Variants in MYH11 observed in about 807,000 individuals in gnomAD.
The protein encoded by MYH11 is myosin-11.
Under a neutral mutation model 246.6 loss-of-function variants are expected in MYH11, and 80 were observed. The ratio of observed to expected loss-of-function variants is 0.32; its 90% CI spans 0.27 to 0.39. The LOEUF (loss-of-function observed/expected upper bound fraction) is 0.39, where lower values mean the gene tolerates loss of function less well. Ranked by LOEUF, MYH11 falls within the 10% of genes least tolerant of loss-of-function variation. The pLI is 1.00. For synonymous variants in MYH11, 1,071 were observed against 1,015.5 expected, an observed-to-expected ratio of 1.05 and a Z score of -1.04; for missense variants, 2,158 against 2,546.8, an observed-to-expected ratio of 0.85 and a Z score of 3.29.
intron 4 of MYH11, among the ~76,000 whole-genome samples, chr16:15,793,122 C>G (rs1450948196): frequency 6.6e-6 from 1 of 152,198 alleles, no homozygotes; most frequent in Non-Finnish European, 1.5e-5. Flanking sequence ...TGAAACCACC[C>G]TCCTCCTCTT....
chr16:15,717,586 G>C, intron 37 of MYH11: 1 of 591,588 alleles, frequency 1.7e-6, no homozygotes, highest in Non-Finnish European at 3.0e-6. Context: ...CTTGAGCTCA[G>C]GAGTTCGAGA....
chr16:15,744,242 T>G (rs965067347), intron 20 of MYH11, among the ~76,000 whole-genome samples: 2 of 151,976 alleles, frequency 1.3e-5, no homozygotes, highest in African/African-American at 4.8e-5. Flanking sequence ...CAGGCTGGAG[T>G]GCAGTACAGT....
chr16:15,716,936 T>G (rs112740726), intron 38 of MYH11, among the ~76,000 whole-genome samples: 25 of 152,226 alleles, frequency 1.6e-4, no homozygotes, highest in Non-Finnish European at 7.3e-5. Flanking sequence ...GCTCACACTT[T>G]AGGTGCTTGC....
At chr16:15,846,345 G>T (rs1161110088) in intron 1 of MYH11, among the ~76,000 whole-genome samples, 1 of 152,102 alleles carries the variant, frequency 6.6e-6, no homozygotes, top group Non-Finnish European at 1.5e-5. Context: ...GCAAAAGAAG[G>T]TGGTCACAAA....
intron 40 of MYH11, among the ~76,000 whole-genome samples, chr16:15,707,344 A>G (rs1287562113): frequency 3.9e-5 from 6 of 152,188 alleles, no homozygotes; most frequent in East Asian, 3.9e-4. Flanking sequence ...TTTGGATTCT[A>G]TTCGTGGACT....
chr16:15,743,613 T>C (rs2041336836), intron 20 of MYH11, among the ~76,000 whole-genome samples: 1 of 152,242 alleles, frequency 6.6e-6, no homozygotes. Flanking sequence ...GCCCCTGCTA[T>C]GTACTCCAGC....
In MYH11 at chr16:15,827,563, C is replaced by T. The variant is rs575835783; in HGVS notation, c.346-4152G>A. On this transcript the variant is annotated intron_variant, in intron 2 of 40. Transcript: ENST00000300036. Reference sequence around the variant, plus strand: ...GCTGCCTGCCTGGACACCCCTCTTCCCCATTCCATCACCCAGGACCCTCCC... The same window carrying T: ...GCTGCCTGCCTGGACACCCCTCTTCTCCATTCCATCACCCAGGACCCTCCC... Among the ~76,000 whole-genome samples, 19 of 152,272 alleles carry T rather than the reference C, an allele frequency of 1.2e-4. No homozygotes were observed. In the East Asian group the frequency reaches 3.7e-3, roughly 29 times the overall value.
intron 2 of MYH11, among the ~76,000 whole-genome samples, chr16:15,824,885 G>A (rs75407934): frequency 1.3e-5 from 2 of 152,106 alleles, no homozygotes; most frequent in African/African-American, 4.8e-5. Flanking sequence ...TTTCCCCACC[G>A]CCTGTTTGAC....
intron 10 of MYH11, 55 bp downstream of exon 10, chr16:15,763,741 T>TCGGG: frequency 6.2e-6 from 4 of 646,854 alleles, no homozygotes; most frequent in Non-Finnish European, 1.2e-5. Context: ...AAATGTCACC[T>TCGGG]CCCCCACCCC....
chr16:15,804,706 C>A (rs1327991785), intron 3 of MYH11, among the ~76,000 whole-genome samples: 2 of 152,160 alleles, frequency 1.3e-5, no homozygotes, highest in African/African-American at 4.8e-5. Flanking sequence ...AATTTGCTTT[C>A]TGTCTCTATG....
rs2039287016 is a variant in MYH11, at chr16:15,703,346, G to A, written c.*645C>T. The A allele has an allele frequency of 8.6e-6, 2 of 233,836 alleles. No individual in the cohort carries two copies. Among genetic ancestry groups the A allele is most frequent in the African/African-American group, 4.4e-5 (2 of 44,980 alleles). 14.5% of individuals were successfully genotyped at this position (233,836 alleles called of 1,614,324 possible). ...AGGCCTGACGTGAGAAGTTGGAAAG[G>A]TTTGCAGGTTAGGGAATGAATTGGG... On this transcript the variant is annotated 3_prime_UTR_variant, in exon 41 of 41. Transcript: ENST00000300036.
intron 40 of MYH11, among the ~76,000 whole-genome samples, chr16:15,711,529 TTGCC>T (rs1203931156): frequency 6.6e-6 from 1 of 152,190 alleles, no homozygotes; most frequent in Non-Finnish European, 1.5e-5. Flanking sequence ...GTATGTTTAT[TTGCC>T]GTTATATTCA....
intron 3 of MYH11, among the ~76,000 whole-genome samples, chr16:15,816,998 T>C (rs969383848): frequency 5.3e-5 from 8 of 152,156 alleles, no homozygotes; most frequent in African/African-American, 1.9e-4. Context: ...GGACTGTATA[T>C]ATATGGAATG....
At chr16:15,778,000 C>G (rs1447362539) in intron 7 of MYH11, among the ~76,000 whole-genome samples, 1 of 152,100 alleles carries the variant, frequency 6.6e-6, no homozygotes, top group Non-Finnish European at 1.5e-5. Flanking sequence ...TAGAGGACCT[C>G]AGGTGCAGAA....
rs151058774 is a variant in MYH11, at chr16:15,724,977, C to A, written c.3874G>T (p.Val1292Phe). The A allele has an allele frequency of 2.7e-5, 43 of 1,613,880 alleles. No homozygotes were observed. The highest frequency in any genetic ancestry group is 3.6e-5 in the Non-Finnish European group (43 of 1,180,010). ...VHKLQNEVES[V>F]TGMLNEAEGK... ...TCGGCCTCGTTAAGCATCCCTGTGACGCTCTCAACTTCATTCTAAGGGTGC... is the reference window on the plus strand; with the variant it reads ...TCGGCCTCGTTAAGCATCCCTGTGAAGCTCTCAACTTCATTCTAAGGGTGC... The change falls in exon 29 of 41, where the codon GTC becomes TTC. Residue 1292 changes from valine (V) to phenylalanine (F), a missense_variant. Val to Phe is a conservative substitution (Grantham distance 50). Transcript: ENST00000300036.
rs771742318 is a variant in MYH11, at chr16:15,719,297, G to A, written c.5094C>T (p.Ala1698=). The A allele has an allele frequency of 1.0e-4, 164 of 1,611,418 alleles. No individual in the cohort carries two copies. The highest frequency in any genetic ancestry group is 2.2e-4 in the East Asian group (10 of 44,896). The change falls in exon 36 of 41, where the codon GCC becomes GCT. Residue 1698 remains alanine, a synonymous_variant. Transcript: ENST00000300036. ...DLMQLQEDLA[A]AERARKQADL... is the part of the protein sequence containing the mutation. ...CCGCTTGTTTGCGAGCCCTCTCAGC[G>A]GCGGCGAGGTCCTAGGTGGGAGGGA...
At chr16:15,805,878 G>A (rs149208709) in intron 3 of MYH11, among the ~76,000 whole-genome samples, 102 of 152,166 alleles carry the variant, frequency 6.7e-4, no homozygotes, top group African/African-American at 2.2e-3. Context: ...ACTGCACCAC[G>A]GTACTCCAGC....
intron 40 of MYH11, among the ~76,000 whole-genome samples, chr16:15,710,444 C>T (rs2039715337): frequency 6.6e-6 from 1 of 152,162 alleles, no homozygotes; most frequent in African/African-American, 2.4e-5. Flanking sequence ...TCGCTTGAAC[C>T]TGGGAGGCAA....
At chr16:15,854,804 A>G (rs1596965339) in intron 1 of MYH11, among the ~76,000 whole-genome samples, 1 of 152,054 alleles carries the variant, frequency 6.6e-6, no homozygotes, top group East Asian at 1.9e-4. Context: ...TGGATTCAAG[A>G]CCTGTGGAAA....
Sources: allele counts gnomAD v4.1 joint callset (sites outside exome capture counted in the v4.1 genomes callset), GRCh38; gene constraint gnomAD v4.1.1; transcripts MANE v1.5; gene names NCBI Gene and HGNC (gene_info 2026-07-23, HGNC 2026-07-21).